The following CAST variants were observed in gnomAD, a reference collection of about 807,000 sequenced individuals.
The protein encoded by CAST is calpastatin.
CAST carries 76 observed loss-of-function variants against 119.6 expected under a neutral mutation model. The observed-to-expected ratio is 0.64, with a 90% CI of 0.53 to 0.77. The LOEUF (loss-of-function observed/expected upper bound fraction) is 0.77, where lower values mean the gene tolerates loss of function less well. Among genes scored for constraint, CAST ranks in the 30% least tolerant of loss-of-function variants. The pLI is 0.00. For synonymous variants in CAST, 319 were observed against 331.6 expected (o/e 0.96, Z 0.41); for missense variants, 953 against 946.5 (o/e 1.01, Z -0.09).
At chr5:96,529,803 T>C (rs1162731531), upstream of CAST, 3 of 437,340 alleles carry the variant, frequency 6.9e-6, no homozygotes, top group African/African-American at 2.1e-5. Flanking sequence ...GCATTCATTC[T>C]GTCTTTCGCC....
the CAST span, among the ~76,000 whole-genome samples, chr5:96,496,220 GTTTTAA>G: frequency 6.6e-6 from 1 of 151,660 alleles, no homozygotes; most frequent in Non-Finnish European, 1.5e-5. Flanking sequence ...TTTTCATATA[GTTTTAA>G]TTTTATCATA....
chr5:96,741,695 G>A, intron 15 of CAST, 115 bp downstream of exon 15: 1 of 686,282 alleles, frequency 1.5e-6, no homozygotes, highest in South Asian at 1.8e-5. Flanking sequence ...TTCCCTCTCA[G>A]GTCTATGTGG....
upstream of CAST, among the ~76,000 whole-genome samples, chr5:96,526,189 T>A (rs553713120): frequency 6.6e-6 from 1 of 152,322 alleles, no homozygotes; most frequent in South Asian, 2.1e-4. Context: ...AAAATAATTT[T>A]AATTTTGTAT....
the CAST span, among the ~76,000 whole-genome samples, chr5:96,130,972 T>C: frequency 2.0e-5 from 3 of 152,160 alleles, no homozygotes; most frequent in Non-Finnish European, 4.4e-5. Flanking sequence ...GAATAATATC[T>C]ATCACAATAA....
chr5:96,105,948 C>G, the CAST span, among the ~76,000 whole-genome samples: 1 of 152,158 alleles, frequency 6.6e-6, no homozygotes, highest in Non-Finnish European at 1.5e-5. Context: ...TCAACTTCTT[C>G]CTGGTTTAGT....
chr5:96,726,349 C>G (rs1337825615), intron 4 of CAST, among the ~76,000 whole-genome samples: 2 of 152,186 alleles, frequency 1.3e-5, no homozygotes, highest in Non-Finnish European at 2.9e-5. Flanking sequence ...TAAATTCGAT[C>G]TCTGCATACA....
At chr5:96,768,408 G>T in intron 29 of CAST, 1 of 456,634 alleles carries the variant, frequency 2.2e-6, no homozygotes, top group South Asian at 1.6e-5. Flanking sequence ...ACTGTAGAAT[G>T]AATCAAACGA....
chr5:96,073,494 C>T, the CAST span, among the ~76,000 whole-genome samples: 13 of 152,298 alleles, frequency 8.5e-5, 1 homozygote, highest in South Asian at 2.7e-3. Context: ...TAGATCTGTC[C>T]TCTAAAGCAG....
At chr5:96,412,752 G>GTTTTGTTTTTTTTTTTT in the CAST span, among the ~76,000 whole-genome samples, 1 of 71,832 alleles carries the variant, frequency 1.4e-5, no homozygotes, top group African/African-American at 9.0e-5. Context: ...CAGCTGTGAT[G>GTTTTGTTTTTTTTTTTT]TTTTTTTTTT....
At chr5:96,702,984 G>A (rs1754164131) in intron 3 of CAST, 1 of 976,756 alleles carries the variant, frequency 1.0e-6, no homozygotes, top group East Asian at 1.1e-4. Context: ...TGTGCCCCCG[G>A]CTACCTGCCC....
the CAST span, among the ~76,000 whole-genome samples, chr5:96,242,232 G>C: frequency 6.6e-6 from 1 of 151,728 alleles, no homozygotes; most frequent in Non-Finnish European, 1.5e-5. Context: ...ATCTTGAATT[G>C]ATTTTTGTAT....
At chr5:96,421,790 G>T in the CAST span, 1 of 815,008 alleles carries the variant, frequency 1.2e-6, no homozygotes, top group South Asian at 1.3e-5. Flanking sequence ...CTGAGCACTG[G>T]AATGTGGATG....
At chr5:96,164,876 G>C in the CAST span, among the ~76,000 whole-genome samples, 7 of 152,094 alleles carry the variant, frequency 4.6e-5, no homozygotes, top group Non-Finnish European at 1.0e-4. Context: ...ACTGGGAATG[G>C]TACTGGCAAT....
the CAST span, among the ~76,000 whole-genome samples, chr5:96,421,344 G>A: frequency 1.8e-4 from 27 of 152,252 alleles, no homozygotes; most frequent in Non-Finnish European, 2.9e-4. Flanking sequence ...ACTTCCGGCT[G>A]GCTCAATGCC....
intron 1 of CAST, among the ~76,000 whole-genome samples, chr5:96,600,395 G>A (rs1223212481): frequency 1.3e-5 from 2 of 152,160 alleles, no homozygotes; most frequent in Admixed American, 6.6e-5. Context: ...TACCCAGTAA[G>A]GGCACATTAT....
the CAST span, among the ~76,000 whole-genome samples, chr5:96,484,215 C>A: frequency 9.2e-5 from 14 of 152,146 alleles, no homozygotes; most frequent in African/African-American, 3.4e-4. Context: ...TCTCTTATAC[C>A]CAAGGTTGCC....
the CAST span, among the ~76,000 whole-genome samples, chr5:96,371,463 GC>G: frequency 6.6e-6 from 1 of 152,202 alleles, no homozygotes; most frequent in African/African-American, 2.4e-5. Flanking sequence ...CACACTTCCT[GC>G]CCTCTCTACC....
At chr5:96,108,526 T>G in the CAST span, among the ~76,000 whole-genome samples, 1 of 152,220 alleles carries the variant, frequency 6.6e-6, no homozygotes, top group Non-Finnish European at 1.5e-5. Context: ...GCCTCCCAGT[T>G]AGGCTGCTCG....
At chr5:96,731,226 G>A (rs900472417) in intron 9 of CAST, among the ~76,000 whole-genome samples, 1 of 152,180 alleles carries the variant, frequency 6.6e-6, no homozygotes, top group African/African-American at 2.4e-5. Context: ...GCTGATGCCA[G>A]CTGTCTTGAT....
Sources: allele counts gnomAD v4.1 joint callset (sites outside exome capture counted in the v4.1 genomes callset), GRCh38; gene constraint gnomAD v4.1.1; transcripts MANE v1.5; gene names NCBI Gene and HGNC (gene_info 2026-07-23, HGNC 2026-07-21).